TBC1D14: variants seen among roughly 807,000 people sequenced by gnomAD.
TBC1D14 encodes the protein TBC1 domain family, member 14.
A neutral mutation model predicts 79.0 loss-of-function variants in TBC1D14; 26 were observed. That is an observed-to-expected ratio of 0.33 (90% CI 0.24 to 0.46). The LOEUF is 0.46. Among genes scored for constraint, TBC1D14 ranks in the 20% least tolerant of loss-of-function variants. TBC1D14 has a pLI of 1.00. For missense variants in TBC1D14, 769 were observed against 887.6 expected (o/e 0.87, Z 1.70); for synonymous variants, 394 against 349.9 (o/e 1.13, Z -1.40).
chr4:6,952,307 T>C (rs951942462), intron 2 of TBC1D14, among the ~76,000 whole-genome samples: 1 of 152,254 alleles, frequency 6.6e-6, no homozygotes, highest in Non-Finnish European at 1.5e-5. Flanking sequence ...TTCTAGCCAG[T>C]GCCCAGGCGA....
chr4:6,944,021 G>A (rs1391595074), intron 2 of TBC1D14, among the ~76,000 whole-genome samples: 4 of 91,064 alleles, frequency 4.4e-5, no homozygotes, highest in Non-Finnish European at 1.0e-4. Flanking sequence ...AAGCCGGCGC[G>A]TTCTGCCGGG....
intron 3 of TBC1D14, among the ~76,000 whole-genome samples, chr4:6,968,808 G>A (rs959854112): frequency 3.9e-5 from 6 of 152,266 alleles, no homozygotes; most frequent in Admixed American, 3.9e-4. Flanking sequence ...TAGGTAAGGA[G>A]TGATGGCATC....
chr4:7,017,375 A>G (rs529946720), intron 12 of TBC1D14, among the ~76,000 whole-genome samples: 1 of 152,258 alleles, frequency 6.6e-6, no homozygotes, highest in East Asian at 1.9e-4. Flanking sequence ...ATGCCAGCCA[A>G]ATGCAGAGCT....
intron 12 of TBC1D14, 82 bp from the exon 13 acceptor site, chr4:7,024,922 C>T: frequency 6.4e-7 from 1 of 1,564,132 alleles, no homozygotes; most frequent in Non-Finnish European, 8.7e-7. Flanking sequence ...GAGTGTTTTT[C>T]ATGGAATCAG....
In TBC1D14 at chr4:6,923,831, C is replaced by G; in HGVS notation, c.442C>G (p.Leu148Val). The G allele has an allele frequency of 6.2e-7, 1 of 1,614,214 alleles. No homozygotes were observed. The highest frequency in any genetic ancestry group is 2.2e-5 in the East Asian group (1 of 44,886). Residue 148 changes from leucine to valine, a missense_variant, in exon 2 of 14, where the codon CTG becomes GTG. Around this residue, in one of 2 missense-constraint regions of TBC1D14, gnomAD observed 402 missense variants for 393.2 expected, o/e 1.02. Transcript: ENST00000409757. ...GCTCTATAGCCCGACCTCCAAAGCCCTGACCCGCAGCGATGATGTCTCCGT... is the reference window on the plus strand; with the variant it reads ...GCTCTATAGCCCGACCTCCAAAGCCGTGACCCGCAGCGATGATGTCTCCGT... ...VKLYSPTSKA[L>V]TRSDDVSVCS...
At chr4:7,007,623 C>G in intron 9 of TBC1D14, 1 of 1,288,434 alleles carries the variant, frequency 7.8e-7, no homozygotes, top group Non-Finnish European at 1.0e-6. Context: ...GTCCTGGTGT[C>G]TGGTGCGTGA....
At chr4:6,937,875 C>T (rs1448959858) in intron 2 of TBC1D14, among the ~76,000 whole-genome samples, 1 of 152,088 alleles carries the variant, frequency 6.6e-6, no homozygotes, top group Non-Finnish European at 1.5e-5. Flanking sequence ...CGGGGAGGCT[C>T]CAGTCACACA....
chr4:7,025,354 G>A (rs964337870), intron 13 of TBC1D14, 92 bp downstream of exon 13: 80 of 1,547,674 alleles, frequency 5.2e-5, no homozygotes, highest in Non-Finnish European at 6.7e-5. Context: ...GTCTGAGGAC[G>A]TAGCCCCTTT....
At chr4:6,987,257 G>T (rs1043508394) in intron 3 of TBC1D14, 97 of 1,273,080 alleles carry the variant, frequency 7.6e-5, no homozygotes, top group Non-Finnish European at 9.0e-5. Context: ...CCGCCCGCCC[G>T]CCCGCGGTCC....
At chr4:7,024,868 C>CAGGCCT (rs1414387216) in intron 12 of TBC1D14, 136 bp from the exon 13 acceptor site, 1 of 1,144,898 alleles carries the variant, frequency 8.7e-7, no homozygotes, top group East Asian at 2.3e-5. Context: ...AGTGTGAGTG[C>CAGGCCT]AGGCCTGGCC....
chr4:6,941,820 C>A (rs1712937626), intron 2 of TBC1D14, among the ~76,000 whole-genome samples: 1 of 152,210 alleles, frequency 6.6e-6, no homozygotes, highest in Non-Finnish European at 1.5e-5. Flanking sequence ...GGCTTGCAGG[C>A]AGCCTCAGGA....
chr4:7,001,130 TC>T lies in TBC1D14; in HGVS notation c.1164-14del. 6.2e-7 allele frequency: 1 copy of T among 1,611,768 alleles called. No individual in the cohort carries two copies. ...TGTGGAACAAACTCAAACTCCTGCT[TC>T]TGTTTTTGTCCAGGTGGTGCTCTAG... On this transcript the variant is annotated splice_polypyrimidine_tract_variant and intron_variant, in intron 6 of 13. Transcript: ENST00000409757.
chr4:6,977,687 C>T (rs1465979048), intron 3 of TBC1D14, among the ~76,000 whole-genome samples: 1 of 133,762 alleles, frequency 7.5e-6, no homozygotes, highest in Non-Finnish European at 1.6e-5. Flanking sequence ...AGCGTCTCTG[C>T]CAGGCCGCCA....
chr4:6,962,801 G>C (rs1225665395), intron 2 of TBC1D14, among the ~76,000 whole-genome samples: 3 of 152,068 alleles, frequency 2.0e-5, no homozygotes, highest in Admixed American at 1.3e-4. Flanking sequence ...TCTCAGTCTC[G>C]GGCCTTGATT....
At chr4:6,963,997 A>G (rs770228144) in intron 2 of TBC1D14, among the ~76,000 whole-genome samples, 23 of 152,080 alleles carry the variant, frequency 1.5e-4, no homozygotes, top group Non-Finnish European at 2.9e-4. Context: ...AGGTTTCGCC[A>G]TGTTGCCCAT....
chr4:6,937,679 G>A (rs527799788), intron 2 of TBC1D14, among the ~76,000 whole-genome samples: 2 of 152,342 alleles, frequency 1.3e-5, no homozygotes, highest in Admixed American at 6.5e-5. Flanking sequence ...ACAGGTACAC[G>A]TGCAGGGCAG....
In TBC1D14 at chr4:6,954,117, G is replaced by GCC. The variant is rs1435025895; in HGVS notation, c.723-13183_723-13182dup. On this transcript the variant is annotated intron_variant, in intron 2 of 13. Transcript: ENST00000409757. ...TGTGACTGGGGAGGCCCGCCCTGCCGCCCCCGCCTTTCCGCCGGCCTGCTG... is the reference window on the plus strand; with the variant it reads ...TGTGACTGGGGAGGCCCGCCCTGCCGCCCCCCCGCCTTTCCGCCGGCCTGCTG... 17 of 595,034 alleles carry GCC rather than the reference G, an allele frequency of 2.9e-5. No individual in the cohort carries two copies. The African/African-American group carries it at 3.2e-4, about 11-fold the overall frequency. The allele number at this position is 595,034 out of a possible 1,614,324, so 36.9% of individuals were successfully genotyped here.
chr4:6,938,592 G>A (rs1370775272), intron 2 of TBC1D14, among the ~76,000 whole-genome samples: 1 of 152,184 alleles, frequency 6.6e-6, no homozygotes. Context: ...GCAGAGAGGT[G>A]GGGCTCGCTC....
At chr4:6,933,276 CCCCCTT>C (rs1186457982) in intron 2 of TBC1D14, among the ~76,000 whole-genome samples, 53 of 17,032 alleles carry the variant, frequency 3.1e-3, no homozygotes, top group African/African-American at 9.5e-3. Flanking sequence ...CCCTTCCCCT[CCCCCTT>C]CCCCTTCCCC....
Sources: gnomAD v4.1 joint callset for allele counts (sites outside exome capture counted in the v4.1 genomes callset) on GRCh38, gnomAD v4.1.1 for gene constraint, gnomAD v4.1.1 regional missense constraint, MANE v1.5 for transcripts, NCBI Gene and HGNC (gene_info 2026-07-23, HGNC 2026-07-21) for gene names.